The following CNTN5 variants were observed in gnomAD, a reference collection of about 807,000 sequenced individuals.
The protein encoded by CNTN5 is contactin 5, also known as contactin-5.
CNTN5 carries 77 observed loss-of-function variants against 129.1 expected under a neutral mutation model. The ratio of observed to expected loss-of-function variants is 0.60; its 90% CI spans 0.50 to 0.72. The LOEUF is 0.72. CNTN5 is among the 30% of genes least tolerant of loss of function. CNTN5 has a pLI of 0.00. For synonymous variants in CNTN5, 509 were observed against 465.6 expected, an observed-to-expected ratio of 1.09 and a Z score of -1.20; for missense variants, 1,478 against 1,328.8, an observed-to-expected ratio of 1.11 and a Z score of -1.75.
At chr11:99,863,081 T>C (rs1010743336) in intron 6 of CNTN5, among the ~76,000 whole-genome samples, 1 of 152,112 alleles carries the variant, frequency 6.6e-6, no homozygotes, top group African/African-American at 2.4e-5. Context: ...AAGCAAAAAC[T>C]GAGGATTAGT....
chr11:99,582,777 C>T (rs908966708), intron 3 of CNTN5, among the ~76,000 whole-genome samples: 2 of 152,132 alleles, frequency 1.3e-5, no homozygotes, highest in African/African-American at 4.8e-5. Flanking sequence ...AGACTTCCTC[C>T]TTTAGCTCAG....
intron 3 of CNTN5, among the ~76,000 whole-genome samples, chr11:99,804,136 A>G (rs1946197447): frequency 6.6e-6 from 1 of 152,126 alleles, no homozygotes; most frequent in Non-Finnish European, 1.5e-5. Flanking sequence ...GTTTTCAGTC[A>G]ATATAGTTAC....
chr11:99,555,653 A>G (rs1948639655), intron 2 of CNTN5, among the ~76,000 whole-genome samples: 1 of 151,932 alleles, frequency 6.6e-6, no homozygotes, highest in Non-Finnish European at 1.5e-5. Flanking sequence ...AAGGAAGTTG[A>G]CATTAATAAT....
At chr11:99,846,915 A>T (rs1198790706) in intron 6 of CNTN5, among the ~76,000 whole-genome samples, 1 of 152,208 alleles carries the variant, frequency 6.6e-6, no homozygotes, top group Non-Finnish European at 1.5e-5. Flanking sequence ...GCCTAAATAG[A>T]TTCTTTTTTA....
intron 6 of CNTN5, among the ~76,000 whole-genome samples, chr11:99,853,888 TAGTA>T (rs1445715066): frequency 6.6e-6 from 1 of 152,128 alleles, no homozygotes; most frequent in Non-Finnish European, 1.5e-5. Flanking sequence ...GCCACACAGC[TAGTA>T]AGTAATAAAA....
At chr11:99,130,002 C>T (rs1190674298) in intron 1 of CNTN5, among the ~76,000 whole-genome samples, 1 of 152,136 alleles carries the variant, frequency 6.6e-6, no homozygotes, top group Non-Finnish European at 1.5e-5. Flanking sequence ...CCAGCCACTA[C>T]AGAAACACAC....
Position 99,805,582 on chromosome 11 carries a change from C to T in CNTN5, c.56-13962C>T, listed in dbSNP as rs114398293. On this transcript the variant is annotated intron_variant, in intron 3 of 24. Coordinates refer to ENST00000524871, the MANE Select transcript of CNTN5 (RefSeq NM_014361.4). ...GGGTATTGGAACTATAGCTCCCCAC[C>T]CTCCAGGGGAAGTAGTGTGCTTTCA... is the stretch of plus-strand genomic sequence containing the variant. Among the ~76,000 whole-genome samples, 839 of 152,244 alleles carry T rather than the reference C, an allele frequency of 5.5e-3. 17 individuals are homozygous for T. The highest frequency in any genetic ancestry group is 0.019 in the African/African-American group (799 of 41,546).
At chr11:99,596,461 C>T (rs1025260364) in intron 3 of CNTN5, among the ~76,000 whole-genome samples, 3 of 152,166 alleles carry the variant, frequency 2.0e-5, no homozygotes, top group Non-Finnish European at 4.4e-5. Flanking sequence ...ATTTAACACA[C>T]ATTCATTCAA....
chr11:99,915,583 C>G (rs1009426775), intron 6 of CNTN5, among the ~76,000 whole-genome samples: 5 of 152,090 alleles, frequency 3.3e-5, no homozygotes, highest in African/African-American at 1.2e-4. Flanking sequence ...TTTGTTAGAG[C>G]ATACAAGCCT....
chr11:100,305,100 G>A (rs949486515), intron 20 of CNTN5, among the ~76,000 whole-genome samples: 1 of 151,506 alleles, frequency 6.6e-6, no homozygotes, highest in African/African-American at 2.4e-5. Flanking sequence ...CCTAGGAGAT[G>A]AAGAATGAGC....
At chr11:99,846,288 G>A (rs1234387317) in intron 6 of CNTN5, among the ~76,000 whole-genome samples, 1 of 149,212 alleles carries the variant, frequency 6.7e-6, no homozygotes, top group Non-Finnish European at 1.5e-5. Context: ...AACCTGGGAG[G>A]TGGAGGTTGT....
intron 2 of CNTN5, among the ~76,000 whole-genome samples, chr11:99,333,986 ACAC>A (rs1398075315): frequency 6.6e-6 from 1 of 151,888 alleles, no homozygotes; most frequent in African/African-American, 2.4e-5. Context: ...ACACACACAC[ACAC>A]ACACACACAG....
At chr11:99,620,463 T>TAA (rs33920520) in intron 3 of CNTN5, among the ~76,000 whole-genome samples, 67,401 of 150,160 alleles carry the variant, frequency 0.45, 15,587 homozygotes, top group Admixed American at 0.59. Context: ...GCTTTCTGAG[T>TAA]AGAGTTAATG....
Position 99,096,578 on chromosome 11 carries a change from A to T in CNTN5, c.-210+75308A>T, listed in dbSNP as rs532338019. On this transcript the variant is annotated intron_variant, in intron 1 of 24. Transcript: ENST00000524871. ...CCCAGGGTAATTCTTTAAGATAGGA[A>T]AAACAAGTGGTAAAATATGTTAATA... Among the ~76,000 whole-genome samples the T allele has an allele frequency of 2.6e-5, 4 of 151,956 alleles. No individual in the cohort carries two copies. In the South Asian group the frequency reaches 8.3e-4, roughly 31 times the overall value.
chr11:100,258,841 A>C (rs1288119830), intron 17 of CNTN5, among the ~76,000 whole-genome samples: 1 of 152,252 alleles, frequency 6.6e-6, no homozygotes, highest in African/African-American at 2.4e-5. Context: ...CTGCAAAAAC[A>C]TACCAAATTG....
intron 2 of CNTN5, among the ~76,000 whole-genome samples, chr11:99,386,361 C>T (rs115513459): frequency 0.028 from 4,191 of 152,268 alleles, 184 homozygotes; most frequent in African/African-American, 0.095. Flanking sequence ...CCGAGGGCTG[C>T]GGGTTGCCCA....
intron 3 of CNTN5, among the ~76,000 whole-genome samples, chr11:99,633,734 G>T (rs1442247728): frequency 1.3e-5 from 2 of 152,198 alleles, no homozygotes; most frequent in Non-Finnish European, 2.9e-5. Flanking sequence ...CAGGAAAAGT[G>T]CAGCAATATT....
At chr11:99,563,131 A>G (rs928296566) in intron 3 of CNTN5, among the ~76,000 whole-genome samples, 12 of 152,152 alleles carry the variant, frequency 7.9e-5, no homozygotes, top group Non-Finnish European at 1.6e-4. Context: ...GTGGGAAAGA[A>G]GGAAAGCAAA....
intron 3 of CNTN5, among the ~76,000 whole-genome samples, chr11:99,819,302 TCCCTC>T (rs1946696391): frequency 6.2e-4 from 3 of 4,804 alleles, no homozygotes; most frequent in African/African-American, 9.0e-4. Context: ...CTCCTCCCCT[TCCCTC>T]CCCTCTCCTC....
Sources: gnomAD v4.1 joint callset for allele counts (sites outside exome capture counted in the v4.1 genomes callset) on GRCh38, gnomAD v4.1.1 for gene constraint, MANE v1.5 for transcripts, NCBI Gene and HGNC (gene_info 2026-07-23, HGNC 2026-07-21) for gene names.